The following LINGO2 variants were observed in gnomAD, a reference collection of about 807,000 sequenced individuals.
LINGO2 encodes leucine rich repeat and Ig domain containing 2, also known as leucine-rich repeat and immunoglobulin-like domain-containing nogo receptor-interacting protein 2.
A neutral mutation model predicts 30.6 loss-of-function variants in LINGO2; 14 were observed. The ratio of observed to expected loss-of-function variants is 0.46; its 90% CI spans 0.30 to 0.72. LINGO2 has a LOEUF of 0.72. Ranked by LOEUF, LINGO2 falls within the 30% of genes least tolerant of loss-of-function variation. The probability of loss-of-function intolerance (pLI) is 0.07; values close to 1 mark genes in which losing one functional copy is unlikely to be tolerated. For synonymous variants in LINGO2, 317 were observed against 288.5 expected, an observed-to-expected ratio of 1.10 and a Z score of -1.00; for missense variants, 729 against 751.7, an observed-to-expected ratio of 0.97 and a Z score of 0.35.
intron 3 of LINGO2, among the ~76,000 whole-genome samples, chr9:28,342,030 G>A (rs1012570026): frequency 3.3e-5 from 5 of 152,134 alleles, no homozygotes. Flanking sequence ...AAAAAAAGGA[G>A]GGGAAAATGT....
At chr9:28,853,787 C>T in the LINGO2 span, among the ~76,000 whole-genome samples, 2 of 151,834 alleles carry the variant, frequency 1.3e-5, no homozygotes, top group Non-Finnish European at 2.9e-5. Flanking sequence ...TAGGAAACCG[C>T]CCCTATGATC....
At chr9:28,233,847 C>G (rs1282697471) in intron 4 of LINGO2, among the ~76,000 whole-genome samples, 2 of 152,122 alleles carry the variant, frequency 1.3e-5, no homozygotes, top group African/African-American at 4.8e-5. Flanking sequence ...AAAAAGGGAT[C>G]CTGTTGCCTT....
chr9:28,256,178 GC>G (rs1021833271), intron 4 of LINGO2, among the ~76,000 whole-genome samples: 2 of 151,898 alleles, frequency 1.3e-5, no homozygotes, highest in African/African-American at 4.8e-5. Flanking sequence ...TTTGTAAGCG[GC>G]CCTCACCCCT....
At chr9:28,399,330 A>G (rs1822171627) in intron 2 of LINGO2, among the ~76,000 whole-genome samples, 1 of 152,196 alleles carries the variant, frequency 6.6e-6, no homozygotes, top group African/African-American at 2.4e-5. Context: ...ATAGTAATGA[A>G]TATGTGCACA....
At chr9:28,698,043 T>C in the LINGO2 span, among the ~76,000 whole-genome samples, 13 of 152,194 alleles carry the variant, frequency 8.5e-5, no homozygotes, top group Admixed American at 5.2e-4. Flanking sequence ...ACTGGTTCTA[T>C]GTATGAACAA....
the LINGO2 span, among the ~76,000 whole-genome samples, chr9:28,889,470 G>T: frequency 6.6e-6 from 1 of 151,732 alleles, no homozygotes. Flanking sequence ...TATTATTTGG[G>T]CTATTTTACT....
At chr9:28,281,908 G>T (rs1407743797) in intron 4 of LINGO2, among the ~76,000 whole-genome samples, 1 of 152,082 alleles carries the variant, frequency 6.6e-6, no homozygotes, top group Non-Finnish European at 1.5e-5. Flanking sequence ...GCTTGAACCT[G>T]TACCTGTTTC....
the LINGO2 span, among the ~76,000 whole-genome samples, chr9:29,203,424 CAA>C: frequency 3.9e-5 from 6 of 152,130 alleles, no homozygotes; most frequent in East Asian, 1.9e-4. Context: ...AGAAAACATA[CAA>C]GAGAGAGCAT....
intron 1 of LINGO2, among the ~76,000 whole-genome samples, chr9:28,613,398 A>G (rs188962871): frequency 7.2e-5 from 11 of 152,064 alleles, no homozygotes; most frequent in Admixed American, 4.6e-4. Context: ...GTGTGTGTGT[A>G]TATAGCTACA....
At chr9:28,649,686 C>T (rs764870203) in intron 1 of LINGO2, among the ~76,000 whole-genome samples, 17 of 151,656 alleles carry the variant, frequency 1.1e-4, no homozygotes, top group African/African-American at 3.2e-4. Flanking sequence ...AAACACTGGA[C>T]GGATGTTGTG....
At position 28,349,065 on chromosome 9, in the gene LINGO2, A is replaced by G. The variant is rs1479363377; in HGVS notation, c.-246+23771T>C. Among the ~76,000 whole-genome samples, 3 of 152,008 alleles carry G rather than the reference A, an allele frequency of 2.0e-5. No individual in the cohort carries two copies. In the East Asian group the frequency reaches 5.9e-4, roughly 30 times the overall value. ...AGATGGGGAAAAAACAGAACAGAAA[A>G]ACTGGAAACTCTAAAAAGCAGAGCG... On this transcript the variant is annotated intron_variant, in intron 3 of 5. Transcript: ENST00000379992.
the LINGO2 span, among the ~76,000 whole-genome samples, chr9:28,729,315 C>T: frequency 6.6e-6 from 1 of 152,108 alleles, no homozygotes; most frequent in Non-Finnish European, 1.5e-5. Context: ...TACATGTACT[C>T]AGAACCTAAG....
At chr9:28,076,941 G>T (rs1363802141) in intron 4 of LINGO2, among the ~76,000 whole-genome samples, 2 of 152,026 alleles carry the variant, frequency 1.3e-5, no homozygotes, top group African/African-American at 2.4e-5. Context: ...TGTTTGTTCT[G>T]GTTTCCAACA....
At chr9:28,702,434 T>C in the LINGO2 span, among the ~76,000 whole-genome samples, 1 of 151,834 alleles carries the variant, frequency 6.6e-6, no homozygotes, top group Non-Finnish European at 1.5e-5. Context: ...TTAATAGATT[T>C]TTCAAATCTA....
chr9:28,044,748 A>AG (rs1192958518), intron 4 of LINGO2, among the ~76,000 whole-genome samples: 1 of 147,020 alleles, frequency 6.8e-6, no homozygotes, highest in African/African-American at 2.5e-5. Context: ...GAAGAGAGTT[A>AG]GGGCAAGCAG....
the LINGO2 span, among the ~76,000 whole-genome samples, chr9:29,134,882 A>G: frequency 5.4e-4 from 82 of 152,202 alleles, no homozygotes; most frequent in East Asian, 0.015. Context: ...TAGCTATATT[A>G]TCTTCCAGAA....
the LINGO2 span, among the ~76,000 whole-genome samples, chr9:28,718,994 G>A: frequency 6.6e-6 from 1 of 151,942 alleles, no homozygotes; most frequent in Non-Finnish European, 1.5e-5. Context: ...CTTCTACTCA[G>A]ACTCTGCAAC....
intron 1 of LINGO2, among the ~76,000 whole-genome samples, chr9:28,574,486 T>C (rs556111732): frequency 2.0e-5 from 3 of 152,326 alleles, no homozygotes; most frequent in African/African-American, 7.2e-5. Flanking sequence ...ACTAATGTTG[T>C]TTTGTGCTTC....
the LINGO2 span, among the ~76,000 whole-genome samples, chr9:29,020,163 A>G: frequency 6.6e-6 from 1 of 152,184 alleles, no homozygotes; most frequent in African/African-American, 2.4e-5. Flanking sequence ...ACATATGCTC[A>G]AAATGATTTA....
Sources: gnomAD v4.1 joint callset for allele counts (sites outside exome capture counted in the v4.1 genomes callset) on GRCh38, gnomAD v4.1.1 for gene constraint, MANE v1.5 for transcripts, NCBI Gene and HGNC (gene_info 2026-07-23, HGNC 2026-07-21) for gene names.